Variants in FHIT observed in about 807,000 individuals in gnomAD.
FHIT encodes the protein fragile histidine triad diadenosine triphosphatase.
A neutral mutation model predicts 17.9 loss-of-function variants in FHIT; 19 were observed. The ratio of observed to expected loss-of-function variants is 1.06; its 90% CI spans 0.74 to 1.56. The LOEUF is 1.56. FHIT is among the 40% of genes most tolerant of loss of function. FHIT has a pLI of 0.00. For missense variants in FHIT, 248 were observed against 189.2 expected, an observed-to-expected ratio of 1.31 and a Z score of -1.82; for synonymous variants, 81 against 69.7, an observed-to-expected ratio of 1.16 and a Z score of -0.81.
chr3:60,149,251 A>T (rs1217541156), intron 5 of FHIT, among the ~76,000 whole-genome samples: 1 of 152,146 alleles, frequency 6.6e-6, no homozygotes, highest in Non-Finnish European at 1.5e-5. Flanking sequence ...GGAAATAGGC[A>T]CCATCAACTA....
intron 5 of FHIT, among the ~76,000 whole-genome samples, chr3:60,087,403 T>C (rs771082565): frequency 4.6e-5 from 7 of 152,216 alleles, no homozygotes; most frequent in Admixed American, 2.6e-4. Flanking sequence ...GGCAATAGCA[T>C]TGGATTCCTC....
intron 5 of FHIT, among the ~76,000 whole-genome samples, chr3:60,139,760 T>TATCA (rs1297467037): frequency 2.0e-5 from 3 of 150,080 alleles, no homozygotes; most frequent in Admixed American, 6.6e-5. Flanking sequence ...TTCCTTCCAC[T>TATCA]ATCAATCATC....
chr3:59,901,351 G>C (rs911069624), intron 8 of FHIT, among the ~76,000 whole-genome samples: 1 of 152,166 alleles, frequency 6.6e-6, no homozygotes, highest in African/African-American at 2.4e-5. Flanking sequence ...CAAGACAAAG[G>C]TAAGTATGCC....
intron 4 of FHIT, among the ~76,000 whole-genome samples, chr3:60,793,105 A>T (rs1553729073): frequency 6.6e-6 from 1 of 152,140 alleles, no homozygotes; most frequent in African/African-American, 2.4e-5. Context: ...TCTAGCTTGG[A>T]GTTTTAGGAA....
intron 4 of FHIT, among the ~76,000 whole-genome samples, chr3:60,741,049 A>T (rs1349948921): frequency 6.6e-6 from 1 of 152,234 alleles, no homozygotes. Flanking sequence ...GGACATATAT[A>T]TTTTGGTAGC....
At chr3:60,525,945 A>T (rs150700210) in intron 5 of FHIT, among the ~76,000 whole-genome samples, 230 of 152,218 alleles carry the variant, frequency 1.5e-3, no homozygotes, top group Admixed American at 2.2e-3. Flanking sequence ...TCTACAAAAA[A>T]TGCAAAAATT....
intron 5 of FHIT, among the ~76,000 whole-genome samples, chr3:60,235,236 T>TTG (rs1178607376): frequency 1.3e-5 from 2 of 149,124 alleles, no homozygotes; most frequent in Admixed American, 1.3e-4. Flanking sequence ...TGTTTGTTGT[T>TTG]TTTTTTTTTT....
intron 5 of FHIT, among the ~76,000 whole-genome samples, chr3:60,321,827 C>T (rs1010343331): frequency 1.8e-4 from 27 of 152,254 alleles, no homozygotes; most frequent in East Asian, 5.8e-4. Context: ...TTTAAGATGG[C>T]GCCTTCTTGA....
intron 8 of FHIT, among the ~76,000 whole-genome samples, chr3:59,898,155 G>T (rs1227231174): frequency 6.6e-6 from 1 of 152,098 alleles, no homozygotes. Context: ...TAAAAATGCA[G>T]TTAAAACTCT....
chr3:60,421,754 T>C (rs1310841608), intron 5 of FHIT, among the ~76,000 whole-genome samples: 1 of 152,112 alleles, frequency 6.6e-6, no homozygotes, highest in Non-Finnish European at 1.5e-5. Context: ...TAAGAAAATA[T>C]TAAGGTGGAA....
chr3:60,649,627 T>A (rs1325652599), intron 4 of FHIT, among the ~76,000 whole-genome samples: 9 of 152,142 alleles, frequency 5.9e-5, no homozygotes, highest in Admixed American at 4.6e-4. Context: ...GATGTGTCAA[T>A]TGTGTGAGTG....
At chr3:61,246,798 G>GC (rs1227213935) in intron 1 of FHIT, among the ~76,000 whole-genome samples, 1 of 151,778 alleles carries the variant, frequency 6.6e-6, no homozygotes, top group Non-Finnish European at 1.5e-5. Context: ...AACCACCACG[G>GC]CACATGTATA....
intron 8 of FHIT, among the ~76,000 whole-genome samples, chr3:59,836,500 A>C (rs1031786634): frequency 6.6e-6 from 1 of 152,180 alleles, no homozygotes; most frequent in Non-Finnish European, 1.5e-5. Flanking sequence ...CTCCTGTTAC[A>C]GGAAGGCTGA....
At chr3:61,063,190 A>C (rs1422119401) in intron 2 of FHIT, among the ~76,000 whole-genome samples, 2 of 149,452 alleles carry the variant, frequency 1.3e-5, no homozygotes, top group African/African-American at 4.9e-5. Context: ...CGGGAGGCAG[A>C]GCTTGCAATG....
intron 4 of FHIT, among the ~76,000 whole-genome samples, chr3:60,611,770 C>T (rs1559580678): frequency 6.6e-6 from 1 of 152,146 alleles, no homozygotes; most frequent in Admixed American, 6.5e-5. Context: ...AAGATGCCCT[C>T]GTAGGAGGAA....
intron 5 of FHIT, among the ~76,000 whole-genome samples, chr3:60,469,171 A>T (rs1463369120): frequency 6.6e-6 from 1 of 152,086 alleles, no homozygotes; most frequent in Non-Finnish European, 1.5e-5. Context: ...GTGTTCTATT[A>T]CCTTCCTGTA....
chr3:60,201,049 TA>T (rs954038583), intron 5 of FHIT, among the ~76,000 whole-genome samples: 2 of 152,122 alleles, frequency 1.3e-5, no homozygotes, highest in African/African-American at 4.8e-5. Flanking sequence ...CAACTTAAAA[TA>T]GAACAACGTG....
chr3:59,889,026 C>G (rs1703742210), intron 8 of FHIT, among the ~76,000 whole-genome samples: 1 of 152,208 alleles, frequency 6.6e-6, no homozygotes, highest in African/African-American at 2.4e-5. Context: ...CAGCAGGGCC[C>G]TCATAACCTA....
At chr3:61,246,981 C>A (rs945919088) in intron 1 of FHIT, among the ~76,000 whole-genome samples, 7 of 152,068 alleles carry the variant, frequency 4.6e-5, no homozygotes, top group African/African-American at 1.7e-4. Context: ...GACCTTCTTT[C>A]TGCTCATCAA....
Sources: gnomAD v4.1 joint callset for allele counts (sites outside exome capture counted in the v4.1 genomes callset) on GRCh38, gnomAD v4.1.1 for gene constraint, MANE v1.5 for transcripts, NCBI Gene and HGNC (gene_info 2026-07-23, HGNC 2026-07-21) for gene names.